The following SLC28A1 variants were observed in gnomAD, a reference collection of about 807,000 sequenced individuals.
SLC28A1 encodes the protein solute carrier family 28 member 1.
A neutral mutation model predicts 74.8 loss-of-function variants in SLC28A1; 64 were observed. The ratio of observed to expected loss-of-function variants is 0.86; its 90% CI spans 0.70 to 1.05. SLC28A1 has a LOEUF of 1.05. Among genes scored for constraint, SLC28A1 ranks in the 50% least tolerant of loss-of-function variants. The pLI is 0.00. For synonymous variants in SLC28A1, 359 were observed against 335.0 expected (o/e 1.07, Z -0.78); for missense variants, 828 against 822.8 (o/e 1.01, Z -0.08).
At chr15:84,970,965 T>C in the SLC28A1 span, among the ~76,000 whole-genome samples, 4,249 of 152,264 alleles carry the variant, frequency 0.028, 343 homozygotes, top group East Asian at 0.17. Flanking sequence ...CCAGCCCCAG[T>C]GGAATGCCAA....
At chr15:84,947,992 A>G (rs2079290520), downstream of SLC28A1, among the ~76,000 whole-genome samples, 1 of 146,558 alleles carries the variant, frequency 6.8e-6, no homozygotes, top group Admixed American at 6.8e-5. Flanking sequence ...TTTAAATGGC[A>G]TGGGGAAAAA....
Position 84,905,638 on chromosome 15 carries a change from G to T in SLC28A1, c.703G>T (p.Gly235Cys), listed in dbSNP as rs1185759117. The T allele has an allele frequency of 1.9e-6, 3 of 1,613,332 alleles. No homozygotes were observed. The highest frequency in any genetic ancestry group is 2.5e-6 in the Non-Finnish European group (3 of 1,179,414). ...AGGATTCATTGCGTTCGAGTGGCTG[G>T]GCGAGCAGATCCGGGTAGGTATGTG... ...EPGFIAFEWL[G>C]EQIRIFLSYT... Residue 235 changes from glycine to cysteine, a missense_variant, in exon 8 of 19, where the codon GGC becomes TGC. This residue lies in a region of SLC28A1 where 767 missense variants were observed against 753.5 expected (regional missense o/e 1.02). Coordinates refer to ENST00000394573, the MANE Select transcript of SLC28A1 (RefSeq NM_004213.5).
chr15:84,941,600 G>T (rs1372311225), intron 15 of SLC28A1, among the ~76,000 whole-genome samples: 1 of 151,954 alleles, frequency 6.6e-6, no homozygotes, highest in South Asian at 2.1e-4. Flanking sequence ...TCTGGAAAGT[G>T]CGGCTGGGCA....
intron 15 of SLC28A1, among the ~76,000 whole-genome samples, chr15:84,941,881 A>T (rs1233538518): frequency 7.9e-5 from 12 of 152,222 alleles, no homozygotes; most frequent in Admixed American, 7.9e-4. Context: ...ACGTGATGAG[A>T]TAATTCAGAC....
intron 6 of SLC28A1, among the ~76,000 whole-genome samples, chr15:84,900,701 G>A (rs750423642): frequency 8.6e-5 from 13 of 152,034 alleles, no homozygotes; most frequent in Non-Finnish European, 1.9e-4. Flanking sequence ...TTACTTGAGA[G>A]GCTAAGGTAG....
intron 9 of SLC28A1, among the ~76,000 whole-genome samples, chr15:84,913,231 T>A (rs1968601114): frequency 6.6e-6 from 1 of 151,976 alleles, no homozygotes; most frequent in African/African-American, 2.4e-5. Flanking sequence ...CAGCTTTGGG[T>A]TTTAGTGGCT....
intron 5 of SLC28A1, among the ~76,000 whole-genome samples, chr15:84,891,752 G>GCAGA (rs1965395617): frequency 6.6e-6 from 1 of 152,232 alleles, no homozygotes; most frequent in Non-Finnish European, 1.5e-5. Flanking sequence ...ATGAGGCTGT[G>GCAGA]CAGACAGCAA....
the SLC28A1 span, among the ~76,000 whole-genome samples, chr15:84,960,277 A>C: frequency 1.2e-5 from 1 of 84,384 alleles, no homozygotes; most frequent in Non-Finnish European, 2.1e-5. Flanking sequence ...TTTTTTTGAG[A>C]CAAGGTCTTG....
intron 9 of SLC28A1, among the ~76,000 whole-genome samples, chr15:84,912,452 A>C (rs1386872939): frequency 6.6e-6 from 1 of 152,132 alleles, no homozygotes; most frequent in African/African-American, 2.4e-5. Context: ...GGGCTTCTTC[A>C]GCCCTCAGCT....
the SLC28A1 span, chr15:84,975,532 C>T: frequency 1.3e-3 from 615 of 456,246 alleles, 1 homozygote; most frequent in African/African-American, 0.011. Flanking sequence ...CTGCCGAGTC[C>T]CAGCCCTGAG....
chr15:84,902,953 T>C (rs1966828156), intron 6 of SLC28A1, among the ~76,000 whole-genome samples: 1 of 152,140 alleles, frequency 6.6e-6, no homozygotes, highest in South Asian at 2.1e-4. Context: ...TGGTCTCGAA[T>C]GCCTGACCTC....
chr15:84,933,473 T>C (rs1160325556), intron 13 of SLC28A1, among the ~76,000 whole-genome samples, 198 bp downstream of exon 13: 1 of 152,176 alleles, frequency 6.6e-6, no homozygotes, highest in African/African-American at 2.4e-5. Context: ...TGAAACTGGG[T>C]ACTTTATAAA....
chr15:84,894,880 T>A, intron 5 of SLC28A1, 60 bp from the exon 6 acceptor site: 1 of 1,548,614 alleles, frequency 6.5e-7, no homozygotes, highest in African/African-American at 1.4e-5. Context: ...CGGGCGGGGC[T>A]GCAGGGTTCT....
chr15:84,919,631 G>A (rs901479562), intron 10 of SLC28A1, among the ~76,000 whole-genome samples: 1 of 152,198 alleles, frequency 6.6e-6, no homozygotes, highest in South Asian at 2.1e-4. Flanking sequence ...AGAGATCAGG[G>A]CCAAACTTAT....
At chr15:84,955,372 A>G in the SLC28A1 span, among the ~76,000 whole-genome samples, 9 of 152,228 alleles carry the variant, frequency 5.9e-5, 1 homozygote, top group African/African-American at 2.2e-4. Flanking sequence ...CAGAACAGCA[A>G]TCAAAGATGT....
chr15:84,936,520 G>T (rs1971961837), intron 15 of SLC28A1, among the ~76,000 whole-genome samples: 1 of 152,150 alleles, frequency 6.6e-6, no homozygotes, highest in Non-Finnish European at 1.5e-5. Flanking sequence ...GCCTCCCAAA[G>T]TGCTGGGATT....
chr15:84,943,598 T>C, intron 16 of SLC28A1, 72 bp downstream of exon 16: 1 of 1,159,074 alleles, frequency 8.6e-7, no homozygotes, highest in South Asian at 1.2e-5. Context: ...CATGTAGGCC[T>C]CAGTTGTCTC....
intron 8 of SLC28A1, among the ~76,000 whole-genome samples, chr15:84,908,277 G>A (rs527630030): frequency 2.2e-5 from 3 of 136,612 alleles, no homozygotes; most frequent in East Asian, 4.7e-4. Flanking sequence ...TCTGCCTCCC[G>A]GGTTCAAGCG....
At chr15:84,898,492 T>C (rs1966260396) in intron 6 of SLC28A1, among the ~76,000 whole-genome samples, 1 of 150,242 alleles carries the variant, frequency 6.7e-6, no homozygotes, top group Non-Finnish European at 1.5e-5. Context: ...GGCAGGAGAA[T>C]GGTGTGAACC....
Sources: gnomAD v4.1 joint callset for allele counts (sites outside exome capture counted in the v4.1 genomes callset) on GRCh38, gnomAD v4.1.1 for gene constraint, gnomAD v4.1.1 regional missense constraint, MANE v1.5 for transcripts, NCBI Gene and HGNC (gene_info 2026-07-23, HGNC 2026-07-21) for gene names.